The following CFDP1 variants were observed in gnomAD, a reference collection of about 807,000 sequenced individuals.
The protein encoded by CFDP1 is heterochromatin-stabilizing protein CFDP1.
A neutral mutation model predicts 40.1 loss-of-function variants in CFDP1; 31 were observed. That is an observed-to-expected ratio of 0.77 (90% CI 0.58 to 1.04). The LOEUF (loss-of-function observed/expected upper bound fraction) is 1.04. CFDP1 is among the 50% of genes least tolerant of loss of function. CFDP1 has a pLI of 0.00. For missense variants in CFDP1, 423 were observed against 343.4 expected, an observed-to-expected ratio of 1.23 and a Z score of -1.83; for synonymous variants, 167 against 120.0, an observed-to-expected ratio of 1.39 and a Z score of -2.56.
At chr16:75,357,861 G>A (rs1350541179) in intron 5 of CFDP1, among the ~76,000 whole-genome samples, 2 of 152,184 alleles carry the variant, frequency 1.3e-5, no homozygotes, top group Non-Finnish European at 1.5e-5. Flanking sequence ...TTTGGTACAA[G>A]AGGCCTAGCT....
intron 5 of CFDP1, among the ~76,000 whole-genome samples, chr16:75,367,215 T>C (rs8054769): frequency 0.52 from 77,780 of 148,584 alleles, 21,301 homozygotes; most frequent in Admixed American, 0.64. Flanking sequence ...TATACATTTG[T>C]ATTTGGATGA....
chr16:75,351,455 G>A (rs774898430), intron 5 of CFDP1, among the ~76,000 whole-genome samples: 1 of 152,180 alleles, frequency 6.6e-6, no homozygotes, highest in Non-Finnish European at 1.5e-5. Flanking sequence ...AGGGATGGAA[G>A]CTAGCAAAGA....
chr16:75,361,342 C>A (rs145237678), intron 5 of CFDP1, among the ~76,000 whole-genome samples: 1 of 152,070 alleles, frequency 6.6e-6, no homozygotes, highest in Non-Finnish European at 1.5e-5. Flanking sequence ...TAAAGCCGGG[C>A]GCGGTGGCTC....
chr16:75,331,732 T>C (rs112599724), intron 5 of CFDP1, among the ~76,000 whole-genome samples: 1 of 152,080 alleles, frequency 6.6e-6, no homozygotes, highest in African/African-American at 2.4e-5. Flanking sequence ...ACTTTGTTTA[T>C]CCATTCTCCT....
chr16:75,356,911 C>CTTTTTTTT (rs576406459), intron 5 of CFDP1, among the ~76,000 whole-genome samples: 1 of 80,666 alleles, frequency 1.2e-5, no homozygotes, highest in African/African-American at 3.9e-5. Flanking sequence ...TGCTTTCTTT[C>CTTTTTTTT]TTTTTTTTTT....
intron 5 of CFDP1, among the ~76,000 whole-genome samples, chr16:75,316,792 A>T (rs1395211371): frequency 6.6e-6 from 1 of 152,008 alleles, no homozygotes; most frequent in Non-Finnish European, 1.5e-5. Context: ...CAACACAGAG[A>T]AACCCCATCT....
chr16:75,297,501 C>T (rs1395242887), intron 6 of CFDP1, among the ~76,000 whole-genome samples: 6 of 152,148 alleles, frequency 3.9e-5, no homozygotes, highest in Non-Finnish European at 7.3e-5. Flanking sequence ...GGGTCACGGT[C>T]CCAGAACAGA....
At chr16:75,348,652 T>C (rs570709283) in intron 5 of CFDP1, among the ~76,000 whole-genome samples, 1 of 152,226 alleles carries the variant, frequency 6.6e-6, no homozygotes, top group Non-Finnish European at 1.5e-5. Flanking sequence ...TTTTTTTGTA[T>C]TGATATAATT....
chr16:75,307,900 C>T (rs537566106), intron 5 of CFDP1, among the ~76,000 whole-genome samples: 2 of 152,300 alleles, frequency 1.3e-5, no homozygotes, highest in African/African-American at 4.8e-5. Context: ...GAAGCCTTCC[C>T]TAACCTCTAG....
chr16:75,357,842 G>A (rs888635194), intron 5 of CFDP1, among the ~76,000 whole-genome samples: 2 of 152,148 alleles, frequency 1.3e-5, no homozygotes, highest in African/African-American at 4.8e-5. Flanking sequence ...TTTACAACTT[G>A]GCTAACTGTT....
In CFDP1 at chr16:75,294,872, C is replaced by T. The variant is rs147728938; in HGVS notation, c.810-830G>A. 4.1e-3 allele frequency among the ~76,000 whole-genome samples: 617 copies of T among 152,280 alleles called. 5 individuals carry two copies. The highest frequency in any genetic ancestry group is 0.014 in the African/African-American group (573 of 41,564). The stretch of plus-strand genomic sequence containing the variant: ...CTGTCCTCCAGGCAGGACGGGAAAG[C>T]AGCAAGGGCTGAAGCACAGGCGCGC... On this transcript the variant is annotated intron_variant, in intron 6 of 6. Coordinates refer to ENST00000283882, the MANE Select transcript of CFDP1 (RefSeq NM_006324.3).
At chr16:75,306,817 T>C (rs1476188406) in intron 5 of CFDP1, among the ~76,000 whole-genome samples, 2 of 152,032 alleles carry the variant, frequency 1.3e-5, no homozygotes, top group East Asian at 3.9e-4. Flanking sequence ...TTTCAATTCA[T>C]ATCTTCTAAG....
intron 5 of CFDP1, among the ~76,000 whole-genome samples, chr16:75,335,720 A>G (rs2078482937): frequency 6.6e-6 from 1 of 151,908 alleles, no homozygotes; most frequent in African/African-American, 2.4e-5. Flanking sequence ...CCATGCCCGG[A>G]TAATTTTTTG....
chr16:75,319,742 G>A (rs2078349087), intron 5 of CFDP1, among the ~76,000 whole-genome samples: 3 of 152,054 alleles, frequency 2.0e-5, no homozygotes, highest in Admixed American at 6.6e-5. Flanking sequence ...CATCATCAGC[G>A]TTCCCCCTGT....
chr16:75,309,819 CAAAAAAAAAAAAA>C (rs1156624164), intron 5 of CFDP1, among the ~76,000 whole-genome samples: 5 of 46,480 alleles, frequency 1.1e-4, no homozygotes, highest in Admixed American at 6.9e-4. Flanking sequence ...GACTCCATCT[CAAAAAAAAAAAAA>C]AAAAAAAAAA....
At chr16:75,379,144 CA>C (rs1370974935) in intron 5 of CFDP1, among the ~76,000 whole-genome samples, 1 of 150,330 alleles carries the variant, frequency 6.7e-6, no homozygotes, top group Non-Finnish European at 1.5e-5. Context: ...GGAAAAGTCT[CA>C]AATCAATAAT....
At position 75,422,560 on chromosome 16, in the gene CFDP1, G is replaced by C. The variant is rs2079292518; in HGVS notation, c.65-7865C>G. The stretch of plus-strand genomic sequence containing the variant: ...CAGGTATGCACCACCACTCCCAGCT[G>C]ATTTTTGCATTTTTGGTAGAGACGG... On this transcript the variant is annotated intron_variant, in intron 1 of 6. Transcript: ENST00000283882. 2.0e-5 allele frequency among the ~76,000 whole-genome samples: 3 copies of C among 151,534 alleles called. No individual in the cohort carries two copies. In the South Asian group the frequency reaches 6.2e-4, roughly 32 times the overall value.
At chr16:75,388,222 G>C (rs575634999) in intron 5 of CFDP1, among the ~76,000 whole-genome samples, 1 of 152,352 alleles carries the variant, frequency 6.6e-6, no homozygotes, top group South Asian at 2.1e-4. Context: ...CTCTTGGAAT[G>C]TTTATGTGGG....
chr16:75,370,586 G>T (rs1014482433), intron 5 of CFDP1, among the ~76,000 whole-genome samples: 2 of 152,092 alleles, frequency 1.3e-5, no homozygotes, highest in African/African-American at 2.4e-5. Context: ...TGTGTGGCAG[G>T]GTGCAGTAGC....
Sources: gnomAD v4.1 joint callset for allele counts (sites outside exome capture counted in the v4.1 genomes callset) on GRCh38, gnomAD v4.1.1 for gene constraint, MANE v1.5 for transcripts, NCBI Gene and HGNC (gene_info 2026-07-23, HGNC 2026-07-21) for gene names.